The following PTPRN2 variants were observed in gnomAD, a reference collection of about 807,000 sequenced individuals.
The protein encoded by PTPRN2 is protein tyrosine phosphatase receptor type N2.
PTPRN2 carries 74 observed loss-of-function variants against 118.8 expected under a neutral mutation model. The ratio of observed to expected loss-of-function variants is 0.62; its 90% confidence interval spans 0.52 to 0.76. PTPRN2 has a LOEUF of 0.76. Among genes scored for constraint, PTPRN2 ranks in the 30% least tolerant of loss-of-function variants. The pLI is 0.00. For synonymous variants in PTPRN2, 641 were observed against 608.0 expected, an observed-to-expected ratio of 1.05 and a Z score of -0.80; for missense variants, 1,481 against 1,394.4, an observed-to-expected ratio of 1.06 and a Z score of -0.99.
chr7:157,602,603 G>A (rs905679555), intron 16 of PTPRN2, among the ~76,000 whole-genome samples: 5 of 152,038 alleles, frequency 3.3e-5, no homozygotes, highest in Non-Finnish European at 5.9e-5. Flanking sequence ...GCTGAGACCA[G>A]CAGAGCTGAG....
intron 15 of PTPRN2, among the ~76,000 whole-genome samples, chr7:157,621,115 C>T (rs12668213): frequency 0.13 from 11,003 of 84,648 alleles, 816 homozygotes; most frequent in Non-Finnish European, 0.18. Context: ...TCAGCACGGC[C>T]AGTTTCCCCC....
intron 3 of PTPRN2, among the ~76,000 whole-genome samples, chr7:158,308,296 A>G (rs921184123): frequency 6.6e-6 from 1 of 152,222 alleles, no homozygotes; most frequent in Non-Finnish European, 1.5e-5. Context: ...ACATTCCCAA[A>G]CAAAAAACAA....
At chr7:158,558,466 G>T (rs534881548) in intron 1 of PTPRN2, among the ~76,000 whole-genome samples, 1 of 152,052 alleles carries the variant, frequency 6.6e-6, no homozygotes, top group African/African-American at 2.4e-5. Flanking sequence ...GCCCCAGGGG[G>T]TGCTGAGCAG....
At chr7:158,430,976 G>C (rs1169194736) in intron 2 of PTPRN2, among the ~76,000 whole-genome samples, 1 of 152,216 alleles carries the variant, frequency 6.6e-6, no homozygotes, top group African/African-American at 2.4e-5. Flanking sequence ...AGACATGTTT[G>C]ACTCCAGTCA....
chr7:157,584,944 G>C (rs561540837), intron 17 of PTPRN2, among the ~76,000 whole-genome samples: 2 of 152,194 alleles, frequency 1.3e-5, no homozygotes, highest in Non-Finnish European at 2.9e-5. Context: ...CAGGCTCCAG[G>C]CCACAGCACG....
chr7:158,361,666 C>T (rs1442829631), intron 2 of PTPRN2, among the ~76,000 whole-genome samples: 2 of 152,192 alleles, frequency 1.3e-5, no homozygotes, highest in Non-Finnish European at 2.9e-5. Flanking sequence ...CAGATGCCCA[C>T]CATGGACCTT....
intron 11 of PTPRN2, among the ~76,000 whole-genome samples, chr7:158,013,265 C>A (rs1358620404): frequency 6.6e-6 from 1 of 152,236 alleles, no homozygotes; most frequent in Non-Finnish European, 1.5e-5. Flanking sequence ...CTTAGCCAGG[C>A]AGCTCCCTGC....
intron 12 of PTPRN2, among the ~76,000 whole-genome samples, chr7:157,818,089 G>C (rs541948886): frequency 6.6e-6 from 1 of 150,926 alleles, no homozygotes; most frequent in South Asian, 2.1e-4. Context: ...GTGCATATGT[G>C]GTATGTGTGT....
intron 12 of PTPRN2, among the ~76,000 whole-genome samples, chr7:157,873,969 G>C (rs58673285): frequency 0.073 from 11,133 of 152,196 alleles, 1,152 homozygotes; most frequent in African/African-American, 0.23. Flanking sequence ...CTCTAGGTCT[G>C]CCACAACTCC....
chr7:158,057,976 A>G (rs1809928211), intron 11 of PTPRN2, among the ~76,000 whole-genome samples: 2 of 152,242 alleles, frequency 1.3e-5, no homozygotes, highest in Non-Finnish European at 2.9e-5. Context: ...CACAACCCAT[A>G]TACAGAATGC....
chr7:158,184,540 C>T (rs1025087049), intron 5 of PTPRN2, among the ~76,000 whole-genome samples: 2 of 152,204 alleles, frequency 1.3e-5, no homozygotes, highest in African/African-American at 4.8e-5. Flanking sequence ...CCTCTCATTT[C>T]TTCTTGTTTT....
chr7:158,407,389 CGTCCTGGGTCCTGCGTCCTGGGTCCTGG>C (rs1813635897), intron 2 of PTPRN2, among the ~76,000 whole-genome samples: 2 of 7,142 alleles, frequency 2.8e-4, no homozygotes, highest in Admixed American at 1.7e-3. Flanking sequence ...CTGGGTCCTG[CGTCCTGGGTCCTGCGTCCTGGGTCCTGG>C]GTCCTGGGTC....
At chr7:157,897,445 C>G (rs1471047021) in intron 12 of PTPRN2, among the ~76,000 whole-genome samples, 1 of 152,124 alleles carries the variant, frequency 6.6e-6, no homozygotes, top group Non-Finnish European at 1.5e-5. Context: ...ACAGCAAGCT[C>G]CCGGGAAAGA....
chr7:157,728,922 T>G (rs955792769), intron 12 of PTPRN2, among the ~76,000 whole-genome samples: 3 of 152,090 alleles, frequency 2.0e-5, no homozygotes, highest in Admixed American at 6.5e-5. Flanking sequence ...TAATCAGCTC[T>G]CCTCATAAAT....
intron 2 of PTPRN2, among the ~76,000 whole-genome samples, chr7:158,441,200 GATGGTGGTGGTGGTGATGGTGATAGTA>G (rs1817106093): frequency 8.2e-5 from 12 of 145,752 alleles, no homozygotes; most frequent in Middle Eastern, 3.8e-3. Flanking sequence ...TAGTGATGGT[GATGGTGGTGGTGGTGATGGTGATAGTA>G]ATGGTGATGG....
At chr7:158,091,122 C>T (rs1053432779) in intron 10 of PTPRN2, among the ~76,000 whole-genome samples, 4 of 152,176 alleles carry the variant, frequency 2.6e-5, no homozygotes, top group Non-Finnish European at 4.4e-5. Context: ...ACTATACAGT[C>T]GATACATAAC....
In PTPRN2 at chr7:158,521,397, A is replaced by G. The variant is rs79006514; in HGVS notation, c.113-31612T>C. Among the ~76,000 whole-genome samples, 861 of 152,334 alleles carry G rather than the reference A, an allele frequency of 5.7e-3. 14 individuals carry two copies. The highest frequency in any genetic ancestry group is 0.019 in the African/African-American group (803 of 41,574). ...CCAACAGGGTGAATTATTTCTGGAA[A>G]TTGTTTTTTCTCCCTGCATCTAAAT... On this transcript the variant is annotated intron_variant, in intron 1 of 22. Coordinates refer to ENST00000389418, the MANE Select transcript of PTPRN2 (RefSeq NM_002847.5).
chr7:158,131,225 C>A (rs879861312), intron 9 of PTPRN2, among the ~76,000 whole-genome samples: 1 of 151,258 alleles, frequency 6.6e-6, no homozygotes, highest in Admixed American at 6.6e-5. Flanking sequence ...CGTACATACA[C>A]ACACACCCAA....
intron 2 of PTPRN2, among the ~76,000 whole-genome samples, chr7:158,441,144 A>G (rs1170724269): frequency 5.0e-5 from 7 of 139,282 alleles, no homozygotes; most frequent in East Asian, 4.3e-4. Flanking sequence ...AGTGGTAGTG[A>G]TGGTGGTGAT....
Sources: gnomAD v4.1 joint callset for allele counts (sites outside exome capture counted in the v4.1 genomes callset) on GRCh38, gnomAD v4.1.1 for gene constraint, MANE v1.5 for transcripts, NCBI Gene and HGNC (gene_info 2026-07-23, HGNC 2026-07-21) for gene names.